DLG2: variants seen among roughly 807,000 people sequenced by gnomAD.
DLG2 encodes disks large homolog 2.
DLG2 carries 45 observed loss-of-function variants against 132.5 expected under a neutral mutation model. The ratio of observed to expected loss-of-function variants is 0.34; its 90% CI spans 0.27 to 0.44. The LOEUF (loss-of-function observed/expected upper bound fraction) is 0.44, where lower values mean the gene tolerates loss of function less well. Ranked by LOEUF, DLG2 falls within the 20% of genes least tolerant of loss-of-function variation. DLG2 has a pLI of 1.00. For synonymous variants in DLG2, 424 were observed against 419.6 expected, an observed-to-expected ratio of 1.01 and a Z score of -0.13; for missense variants, 1,045 against 1,196.9, an observed-to-expected ratio of 0.87 and a Z score of 1.87.
At chr11:84,495,307 C>A (rs1319641989) in intron 7 of DLG2, among the ~76,000 whole-genome samples, 1 of 152,086 alleles carries the variant, frequency 6.6e-6, no homozygotes, top group African/African-American at 2.4e-5. Flanking sequence ...TTCCTCAAGT[C>A]TCAGCTCAAC....
chr11:84,731,906 C>T (rs1306801167), intron 6 of DLG2, among the ~76,000 whole-genome samples: 5 of 152,078 alleles, frequency 3.3e-5, no homozygotes, highest in East Asian at 1.9e-4. Context: ...AACGTTTCCA[C>T]GTGCCCCTTT....
At chr11:83,998,479 C>G (rs947766078) in intron 11 of DLG2, among the ~76,000 whole-genome samples, 6 of 152,024 alleles carry the variant, frequency 3.9e-5, no homozygotes, top group Non-Finnish European at 7.4e-5. Context: ...CACAAAATAC[C>G]TAAAGCAAAG....
At chr11:85,408,606 C>T (rs1031559253) in intron 3 of DLG2, among the ~76,000 whole-genome samples, 10 of 140,862 alleles carry the variant, frequency 7.1e-5, no homozygotes, top group Non-Finnish European at 1.1e-4. Context: ...TCCATGTGTT[C>T]TCATTGTTCA....
chr11:85,017,749 A>T (rs545762106), intron 6 of DLG2, among the ~76,000 whole-genome samples: 1 of 152,232 alleles, frequency 6.6e-6, no homozygotes, highest in Admixed American at 6.5e-5. Flanking sequence ...CACAACCTCC[A>T]CCCTCACCAT....
intron 11 of DLG2, among the ~76,000 whole-genome samples, chr11:84,021,815 T>C (rs2095404582): frequency 6.6e-6 from 1 of 151,616 alleles, no homozygotes; most frequent in Non-Finnish European, 1.5e-5. Flanking sequence ...TGGAGTGCAA[T>C]TGGCTCACCT....
At chr11:85,307,857 T>C (rs1192633672) in intron 3 of DLG2, among the ~76,000 whole-genome samples, 1 of 152,146 alleles carries the variant, frequency 6.6e-6, no homozygotes, top group Non-Finnish European at 1.5e-5. Flanking sequence ...GGTGCTTATG[T>C]CAAAATAAAA....
intron 7 of DLG2, among the ~76,000 whole-genome samples, chr11:84,477,599 C>T (rs1367641076): frequency 6.6e-6 from 1 of 152,134 alleles, no homozygotes; most frequent in Non-Finnish European, 1.5e-5. Flanking sequence ...GAGTAAAGTA[C>T]TGAAAAATCT....
rs189218712 is a variant in DLG2 at position 85,345,039 on chromosome 11, C to A, written c.41-59674G>T. Among the ~76,000 whole-genome samples, 125 of 151,770 alleles carry A rather than the reference C, an allele frequency of 8.2e-4. 1 individual carries two copies. Among genetic ancestry groups the A allele is most frequent in the African/African-American group, 2.9e-3 (118 of 41,350 alleles). ...ACTCAATACGGTTGGTTTCTATACT[C>A]CAGAAAGTCAAGTAAATAAAATATC... is the stretch of plus-strand genomic sequence containing the variant. On this transcript the variant is annotated intron_variant, in intron 3 of 27. Coordinates refer to ENST00000376104, the MANE Select transcript of DLG2 (RefSeq NM_001142699.3).
At chr11:85,510,923 G>A (rs1478222945) in intron 3 of DLG2, among the ~76,000 whole-genome samples, 10 of 152,104 alleles carry the variant, frequency 6.6e-5, no homozygotes, top group Non-Finnish European at 1.0e-4. Flanking sequence ...ACGTGCACAC[G>A]TATGTTTATT....
intron 15 of DLG2, among the ~76,000 whole-genome samples, chr11:83,902,040 C>T (rs182111151): frequency 5.6e-4 from 85 of 151,908 alleles, no homozygotes; most frequent in Non-Finnish European, 9.3e-4. Context: ...TTCTTGAATT[C>T]ATCCTTTAAA....
At chr11:83,469,649 A>C (rs115381209) in intron 24 of DLG2, among the ~76,000 whole-genome samples, 3,335 of 152,114 alleles carry the variant, frequency 0.022, 108 homozygotes, top group African/African-American at 0.076. Context: ...CATTCACCCC[A>C]CCTCTCTACC....
At chr11:83,660,763 G>GA (rs1384552949) in intron 18 of DLG2, among the ~76,000 whole-genome samples, 1 of 152,016 alleles carries the variant, frequency 6.6e-6, no homozygotes, top group African/African-American at 2.4e-5. Flanking sequence ...GTGGCTGATG[G>GA]AAAAAAGTGA....
chr11:84,097,381 G>C (rs1301974595), intron 10 of DLG2, among the ~76,000 whole-genome samples: 1 of 152,068 alleles, frequency 6.6e-6, no homozygotes, highest in Non-Finnish European at 1.5e-5. Flanking sequence ...CCTTCAACAA[G>C]AATCCTGCCA....
chr11:84,397,918 T>A (rs2098816274), intron 7 of DLG2, among the ~76,000 whole-genome samples: 1 of 152,186 alleles, frequency 6.6e-6, no homozygotes, highest in Non-Finnish European at 1.5e-5. Flanking sequence ...CTGTGGAAAT[T>A]AACAATATTT....
At chr11:83,486,603 T>C (rs1156783818) in intron 21 of DLG2, among the ~76,000 whole-genome samples, 22 of 152,140 alleles carry the variant, frequency 1.4e-4, no homozygotes, top group Admixed American at 1.4e-3. Context: ...TATGAAAATG[T>C]TGTGTATCAT....
At chr11:84,426,056 C>T (rs150522623) in intron 7 of DLG2, among the ~76,000 whole-genome samples, 275 of 152,096 alleles carry the variant, frequency 1.8e-3, no homozygotes, top group African/African-American at 6.3e-3. Context: ...TTATCAATAC[C>T]ACCACTCAAA....
intron 6 of DLG2, among the ~76,000 whole-genome samples, chr11:85,063,971 T>A (rs2064486598): frequency 6.6e-6 from 1 of 151,754 alleles, no homozygotes; most frequent in Non-Finnish European, 1.5e-5. Context: ...TCCTTCAGGA[T>A]CCCATAATTT....
At chr11:84,007,999 A>G (rs12786293) in intron 11 of DLG2, among the ~76,000 whole-genome samples, 3,360 of 151,930 alleles carry the variant, frequency 0.022, 67 homozygotes, top group Middle Eastern at 0.034. Flanking sequence ...CATACACTTT[A>G]AACCATTTAC....
intron 2 of DLG2, among the ~76,000 whole-genome samples, chr11:85,619,354 T>C (rs1453365041): frequency 6.6e-6 from 1 of 151,828 alleles, no homozygotes; most frequent in African/African-American, 2.4e-5. Flanking sequence ...ATTTTTTTAA[T>C]TGGGGAATTT....
Sources: gnomAD v4.1 joint callset for allele counts (sites outside exome capture counted in the v4.1 genomes callset) on GRCh38, gnomAD v4.1.1 for gene constraint, MANE v1.5 for transcripts, NCBI Gene and HGNC (gene_info 2026-07-23, HGNC 2026-07-21) for gene names.